MITF: variants seen among roughly 807,000 people sequenced by gnomAD.
MITF encodes the protein melanocyte inducing transcription factor.
A neutral mutation model predicts 60.5 loss-of-function variants in MITF; 17 were observed. That is an observed-to-expected ratio of 0.28 (90% CI 0.19 to 0.42). The LOEUF is 0.42. Ranked by LOEUF, MITF falls within the 10% of genes least tolerant of loss-of-function variation. The pLI, the probability that MITF is intolerant of heterozygous loss-of-function variation, is 1.00. For missense variants in MITF, 622 were observed against 683.5 expected, an observed-to-expected ratio of 0.91 and a Z score of 1.00; for synonymous variants, 260 against 248.5, an observed-to-expected ratio of 1.05 and a Z score of -0.43.
At chr3:69,866,852 C>T (rs150680926) in intron 1 of MITF, among the ~76,000 whole-genome samples, 182 of 142,082 alleles carry the variant, frequency 1.3e-3, no homozygotes, top group African/African-American at 4.6e-3. Flanking sequence ...TTTTTCCTGA[C>T]TGTGGAATGG....
rs183916070 is a variant in MITF at position 69,897,383 on chromosome 3, G to A, written c.354+18000G>A. Among the ~76,000 whole-genome samples the A allele has an allele frequency of 1.6e-4, 24 of 152,234 alleles. No individual in the cohort carries two copies. The East Asian group carries it at 4.1e-3, about 26-fold the overall frequency. Reference sequence around the variant, plus strand: ...GTATATGGAACCTTGCCAGACAGAAGGAAGAAGGCATAATACTATAATGCT... The same window carrying A: ...GTATATGGAACCTTGCCAGACAGAAAGAAGAAGGCATAATACTATAATGCT... On this transcript the variant is annotated intron_variant, in intron 2 of 9. Transcript: ENST00000352241.
chr3:69,819,052 C>T (rs1382701608), intron 1 of MITF, among the ~76,000 whole-genome samples: 1 of 152,140 alleles, frequency 6.6e-6, no homozygotes, highest in Non-Finnish European at 1.5e-5. Flanking sequence ...GATTCACCTT[C>T]AAGAAGAAAA....
intron 2 of MITF, among the ~76,000 whole-genome samples, chr3:69,921,302 A>G (rs2065462765): frequency 6.6e-6 from 1 of 152,196 alleles, no homozygotes; most frequent in South Asian, 2.1e-4. Context: ...TCCTTTATTT[A>G]CTATTTTATC....
At chr3:69,864,297 G>C (rs2064071039) in intron 1 of MITF, among the ~76,000 whole-genome samples, 1 of 152,190 alleles carries the variant, frequency 6.6e-6, no homozygotes, top group Non-Finnish European at 1.5e-5. Flanking sequence ...AACTGTGCTA[G>C]AGGCAGGAAA....
At chr3:69,916,164 T>C (rs1434310947) in intron 2 of MITF, among the ~76,000 whole-genome samples, 1 of 152,242 alleles carries the variant, frequency 6.6e-6, no homozygotes, top group Non-Finnish European at 1.5e-5. Context: ...TCATAGATTT[T>C]ATACTTTTAC....
rs187104125 is a variant in MITF at position 69,791,215 on chromosome 3, A to G, written c.104+51514A>G. ...CTAAAGCCAGTTTGCTAATCAGGGA[A>G]ATGCTGTGATTGGCGCCAGCACTTG... On this transcript the variant is annotated intron_variant, in intron 1 of 9. Transcript: ENST00000352241. 2.0e-5 allele frequency among the ~76,000 whole-genome samples: 3 copies of G among 152,326 alleles called. No individual in the cohort carries two copies. The East Asian group carries it at 5.8e-4, about 29-fold the overall frequency.
chr3:69,921,885 T>C (rs1428184124), intron 2 of MITF, among the ~76,000 whole-genome samples: 1 of 152,208 alleles, frequency 6.6e-6, no homozygotes, highest in Non-Finnish European at 1.5e-5. Flanking sequence ...AAGGCTGTCT[T>C]GTGCATCGTA....
chr3:69,749,647 A>G (rs1242041635), intron 1 of MITF, among the ~76,000 whole-genome samples: 2 of 152,250 alleles, frequency 1.3e-5, no homozygotes, highest in Non-Finnish European at 2.9e-5. Flanking sequence ...ATGTGAAGCA[A>G]TACCTAAAAA....
At chr3:69,905,725 A>T (rs199934746) in intron 2 of MITF, among the ~76,000 whole-genome samples, 2,344 of 151,510 alleles carry the variant, frequency 0.015, 26 homozygotes, top group Middle Eastern at 0.051. Context: ...GTTTTTTTTT[A>T]AATTTGCATT....
intron 2 of MITF, among the ~76,000 whole-genome samples, chr3:69,904,563 T>G (rs188824281): frequency 1.3e-5 from 2 of 152,262 alleles, no homozygotes; most frequent in East Asian, 3.9e-4. Context: ...TCCCTCTACC[T>G]CTCTCTCCTC....
chr3:69,938,071 C>G (rs756780797), intron 3 of MITF, 22 bp downstream of exon 3: 2 of 1,598,578 alleles, frequency 1.3e-6, no homozygotes, highest in Non-Finnish European at 1.7e-6. Context: ...CTCCTCTCCT[C>G]TCCTGTTTTC....
At chr3:69,897,687 T>C (rs191172813) in intron 2 of MITF, among the ~76,000 whole-genome samples, 1 of 152,330 alleles carries the variant, frequency 6.6e-6, no homozygotes, top group East Asian at 1.9e-4. Flanking sequence ...TCTGTGTGTA[T>C]AGCTAGTAAG....
At chr3:69,795,208 T>C (rs549501625) in intron 1 of MITF, among the ~76,000 whole-genome samples, 2 of 152,198 alleles carry the variant, frequency 1.3e-5, no homozygotes, top group South Asian at 4.1e-4. Flanking sequence ...TCTTTTAAAA[T>C]CTTAATTTTC....
intron 1 of MITF, among the ~76,000 whole-genome samples, chr3:69,813,221 CAGTT>C (rs901481747): frequency 6.6e-6 from 1 of 152,134 alleles, no homozygotes; most frequent in African/African-American, 2.4e-5. Flanking sequence ...TTCATTGACA[CAGTT>C]AGGTAGCTAA....
chr3:69,816,418 C>G (rs1188203386), intron 1 of MITF, among the ~76,000 whole-genome samples: 1 of 152,136 alleles, frequency 6.6e-6, no homozygotes, highest in East Asian at 1.9e-4. Context: ...GTTTTTCTTC[C>G]TTTGGGAACC....
At chr3:69,779,848 G>A (rs2062534972) in intron 1 of MITF, among the ~76,000 whole-genome samples, 1 of 152,116 alleles carries the variant, frequency 6.6e-6, no homozygotes, top group Non-Finnish European at 1.5e-5. Flanking sequence ...ATCAACTGAA[G>A]TCTTTTAAAG....
At chr3:69,802,849 G>A (rs1278002671) in intron 1 of MITF, among the ~76,000 whole-genome samples, 2 of 151,424 alleles carry the variant, frequency 1.3e-5, no homozygotes, top group African/African-American at 4.9e-5. Context: ...GTGCCACCAT[G>A]CCTAGCTAAT....
At chr3:69,942,739 C>T (rs1456147077) in intron 5 of MITF, among the ~76,000 whole-genome samples, 1 of 152,102 alleles carries the variant, frequency 6.6e-6, no homozygotes, top group African/African-American at 2.4e-5. Context: ...TCCTATGAGG[C>T]CAAACTACAC....
intron 1 of MITF, chr3:69,758,618 T>G: frequency 5.2e-6 from 1 of 194,106 alleles, no homozygotes; most frequent in Non-Finnish European, 1.1e-5. Context: ...TATTTTATTA[T>G]TGGTTAGTTC....
Sources: gnomAD v4.1 joint callset for allele counts (sites outside exome capture counted in the v4.1 genomes callset) on GRCh38, gnomAD v4.1.1 for gene constraint, MANE v1.5 for transcripts, NCBI Gene and HGNC (gene_info 2026-07-23, HGNC 2026-07-21) for gene names.